The following SLC4A10 variants were observed in gnomAD, a reference collection of about 807,000 sequenced individuals.
SLC4A10 encodes the protein sodium-driven chloride bicarbonate exchanger.
A neutral mutation model predicts 137.7 loss-of-function variants in SLC4A10; 42 were observed. That is an observed-to-expected ratio of 0.30 (90% CI 0.24 to 0.39). SLC4A10 has a LOEUF of 0.39. Ranked by LOEUF, SLC4A10 falls within the 10% of genes least tolerant of loss-of-function variation. The pLI is 1.00. For missense variants in SLC4A10, 925 were observed against 1,355.0 expected (o/e 0.68, Z 4.98); for synonymous variants, 474 against 464.1 (o/e 1.02, Z -0.27).
chr2:161,921,683 C>A (rs935036191), intron 15 of SLC4A10, among the ~76,000 whole-genome samples: 26 of 152,284 alleles, frequency 1.7e-4, no homozygotes, highest in African/African-American at 6.3e-4. Context: ...CAAGTATTAT[C>A]CCTGCTTTAC....
intron 11 of SLC4A10, among the ~76,000 whole-genome samples, chr2:161,897,818 TTTAA>T (rs1458492054): frequency 3.9e-5 from 6 of 152,156 alleles, no homozygotes; most frequent in Non-Finnish European, 8.8e-5. Context: ...GTAGAAACTC[TTTAA>T]TTAATGTTAT....
chr2:161,715,852 T>C (rs1270977355), intron 1 of SLC4A10, among the ~76,000 whole-genome samples: 2 of 151,996 alleles, frequency 1.3e-5, no homozygotes, highest in Non-Finnish European at 2.9e-5. Flanking sequence ...TTTGAGTGTA[T>C]ACCCAGTAAT....
intron 19 of SLC4A10, among the ~76,000 whole-genome samples, chr2:161,954,799 G>T (rs1236901045): frequency 6.6e-6 from 1 of 152,104 alleles, no homozygotes; most frequent in African/African-American, 2.4e-5. Flanking sequence ...TATTTCCTCT[G>T]AAAGAATTAT....
At chr2:161,676,478 G>T (rs1326990532) in intron 1 of SLC4A10, among the ~76,000 whole-genome samples, 1 of 152,080 alleles carries the variant, frequency 6.6e-6, no homozygotes, top group Non-Finnish European at 1.5e-5. Context: ...AATTTAGGTG[G>T]TGTGGTAATA....
intron 15 of SLC4A10, among the ~76,000 whole-genome samples, 191 bp downstream of exon 15, chr2:161,906,078 T>C (rs1017591819): frequency 6.6e-6 from 1 of 152,246 alleles, no homozygotes; most frequent in Non-Finnish European, 1.5e-5. Flanking sequence ...ACTTGCATTC[T>C]CATTATACCA....
intron 3 of SLC4A10, among the ~76,000 whole-genome samples, chr2:161,805,576 G>A (rs969685087): frequency 6.6e-6 from 1 of 152,170 alleles, no homozygotes; most frequent in African/African-American, 2.4e-5. Flanking sequence ...GGGAGATATT[G>A]GCCAAAACAA....
chr2:161,971,772 C>T (rs1239443638), intron 23 of SLC4A10, among the ~76,000 whole-genome samples: 3 of 152,182 alleles, frequency 2.0e-5, no homozygotes, highest in South Asian at 2.1e-4. Context: ...CTGAAGGCAG[C>T]GGCTGCTCTG....
intron 1 of SLC4A10, among the ~76,000 whole-genome samples, chr2:161,654,516 C>A (rs1405318955): frequency 2.0e-5 from 3 of 152,010 alleles, no homozygotes. Flanking sequence ...TGTTTCCAGT[C>A]TTATGTTTAA....
chr2:161,905,924 CT>C (rs764162547), intron 15 of SLC4A10, 37 bp downstream of exon 15: 4 of 1,542,220 alleles, frequency 2.6e-6, no homozygotes, highest in Non-Finnish European at 3.5e-6. Context: ...TGGGGCTTTT[CT>C]TTTGACAAAT....
chr2:161,953,294 T>A (rs920518460), intron 19 of SLC4A10, among the ~76,000 whole-genome samples: 1 of 152,138 alleles, frequency 6.6e-6, no homozygotes, highest in Non-Finnish European at 1.5e-5. Context: ...TTCTTTTAGA[T>A]GATATTTCTC....
chr2:161,914,958 T>G (rs1037628994), intron 15 of SLC4A10, among the ~76,000 whole-genome samples: 6 of 152,070 alleles, frequency 3.9e-5, no homozygotes, highest in African/African-American at 1.4e-4. Flanking sequence ...CAGCCCAAAG[T>G]GGTAACTTCC....
chr2:161,806,103 G>T (rs890317389), intron 3 of SLC4A10, among the ~76,000 whole-genome samples: 5 of 152,170 alleles, frequency 3.3e-5, no homozygotes, highest in Non-Finnish European at 4.4e-5. Flanking sequence ...CAAGGCTTGA[G>T]GCTTGCACCC....
Position 161,905,847 on chromosome 2 carries a change from A to T in SLC4A10, c.1957A>T (p.Ile653Phe). Residue 653 changes from isoleucine to phenylalanine, a missense_variant, in exon 15 of 27, where the codon ATC becomes TTC. Ile to Phe is a conservative substitution (Grantham distance 21, BLOSUM62 0). Coordinates refer to ENST00000446997, the MANE Select transcript of SLC4A10 (RefSeq NM_001178015.2). ...GTTTGAACTCAGTGAAGCATATCCA[A>T]TCAACATGCATAATGATCTGGAACT... ...KLFELSEAYP[I>F]NMHNDLELLT... 2 of 1,613,736 alleles carry T rather than the reference A, an allele frequency of 1.2e-6. No individual in the cohort carries two copies. The highest frequency in any genetic ancestry group is 1.7e-6 in the Non-Finnish European group (2 of 1,179,742).
chr2:161,766,554 G>A (rs1300977130), intron 1 of SLC4A10, among the ~76,000 whole-genome samples: 2 of 152,046 alleles, frequency 1.3e-5, no homozygotes, highest in Admixed American at 1.3e-4. Context: ...ACATGACTTA[G>A]CTTTTGGCAT....
At chr2:161,967,649 C>T (rs1409661369) in intron 23 of SLC4A10, among the ~76,000 whole-genome samples, 1 of 152,070 alleles carries the variant, frequency 6.6e-6, no homozygotes, top group African/African-American at 2.4e-5. Context: ...CAATATCTTA[C>T]TTGCTTTTAT....
At position 161,798,760 on chromosome 2, in the gene SLC4A10, G is replaced by A. The variant is rs565908593; in HGVS notation, c.131-5689G>A. On this transcript the variant is annotated intron_variant, in intron 2 of 26. Coordinates refer to ENST00000446997, the MANE Select transcript of SLC4A10 (RefSeq NM_001178015.2). ...TTTCTGTGACTTTTCCTTATCAACA[G>A]CTGTGTTCTACCTGCGTTTATTTTT... is the stretch of plus-strand genomic sequence containing the variant. 4.6e-5 allele frequency among the ~76,000 whole-genome samples: 7 copies of A among 151,020 alleles called. No homozygotes were observed. The East Asian group carries it at 1.4e-3, about 29-fold the overall frequency.
At chr2:161,835,526 C>T (rs1347841452) in intron 3 of SLC4A10, among the ~76,000 whole-genome samples, 1 of 152,148 alleles carries the variant, frequency 6.6e-6, no homozygotes, top group Non-Finnish European at 1.5e-5. Flanking sequence ...GGATGAGCTT[C>T]CTGGAGGGAT....
At position 161,753,894 on chromosome 2, in the gene SLC4A10, A is replaced by ATTTG. The variant is rs1281556630; in HGVS notation, c.49-17076_49-17075insGTTT. Among the ~76,000 whole-genome samples the ATTTG allele has an allele frequency of 2.7e-5, 4 of 148,546 alleles. No individual in the cohort carries two copies. In the East Asian group the frequency reaches 5.9e-4, roughly 22 times the overall value. ...TATTTATTTATTTATTTATTTATTT[A>ATTTG]TTTATTTATTTTTGGGACAGAGCCT... On this transcript the variant is annotated intron_variant, in intron 1 of 26. Transcript: ENST00000446997.
At chr2:161,679,685 A>G (rs1559013415) in intron 1 of SLC4A10, among the ~76,000 whole-genome samples, 2 of 72,782 alleles carry the variant, frequency 2.7e-5, no homozygotes, top group African/African-American at 1.3e-4. Context: ...TTGTAGGTCA[A>G]CGTGTGTGTG....
Sources: gnomAD v4.1 joint callset for allele counts (sites outside exome capture counted in the v4.1 genomes callset) on GRCh38, gnomAD v4.1.1 for gene constraint, MANE v1.5 for transcripts, NCBI Gene and HGNC (gene_info 2026-07-23, HGNC 2026-07-21) for gene names.